The following SESN1 variants were observed in gnomAD, a reference collection of about 807,000 sequenced individuals.
The protein encoded by SESN1 is sestrin-1.
Under a neutral mutation model 59.3 loss-of-function variants are expected in SESN1, and 30 were observed. The observed-to-expected ratio is 0.51, with a 90% confidence interval of 0.38 to 0.69. SESN1 has a LOEUF of 0.69. Ranked by LOEUF, SESN1 falls within the 30% of genes least tolerant of loss-of-function variation. The pLI is 0.00. For missense variants in SESN1, 566 were observed against 673.0 expected (o/e 0.84, Z 1.76); for synonymous variants, 197 against 219.9 (o/e 0.90, Z 0.92).
chr6:109,014,688 G>A (rs561487314), intron 1 of SESN1, among the ~76,000 whole-genome samples: 1 of 152,136 alleles, frequency 6.6e-6, no homozygotes, highest in Admixed American at 6.5e-5. Flanking sequence ...TGGGCTTTGA[G>A]AGCTTCTCTC....
chr6:109,074,451 CTCTCA>C (rs1236745404), intron 1 of SESN1, among the ~76,000 whole-genome samples: 1 of 152,116 alleles, frequency 6.6e-6, no homozygotes, highest in Non-Finnish European at 1.5e-5. Flanking sequence ...CATTGAAAAG[CTCTCA>C]TCTCAACATT....
chr6:109,023,346 G>A (rs1780040080), intron 1 of SESN1, among the ~76,000 whole-genome samples: 1 of 152,118 alleles, frequency 6.6e-6, no homozygotes, highest in Non-Finnish European at 1.5e-5. Context: ...TTCATCTTCT[G>A]AACAAAAGTT....
chr6:109,047,366 G>A, intron 1 of SESN1, among the ~76,000 whole-genome samples: 1 of 137,160 alleles, frequency 7.3e-6, no homozygotes, highest in South Asian at 2.5e-4. Context: ...CCCCTGCCCG[G>A]CCAGCCGCCC....
intron 1 of SESN1, among the ~76,000 whole-genome samples, chr6:109,059,816 T>C (rs1237269979): frequency 2.0e-5 from 3 of 152,248 alleles, no homozygotes; most frequent in Non-Finnish European, 4.4e-5. Context: ...CAATAACATA[T>C]TGTTTTAAAA....
At chr6:109,001,256 CA>C (rs1779614471) in intron 3 of SESN1, 31 bp downstream of exon 3, 1 of 1,590,234 alleles carries the variant, frequency 6.3e-7, no homozygotes, top group Non-Finnish European at 8.6e-7. Context: ...TAAAAATAGG[CA>C]AAAACAATTT....
chr6:109,028,506 T>C (rs1345622348), intron 1 of SESN1, among the ~76,000 whole-genome samples: 1 of 152,190 alleles, frequency 6.6e-6, no homozygotes, highest in Non-Finnish European at 1.5e-5. Context: ...GATGAGTTTC[T>C]ACTATATTAA....
chr6:109,078,772 T>A (rs1328358754), intron 1 of SESN1, among the ~76,000 whole-genome samples: 1 of 152,144 alleles, frequency 6.6e-6, no homozygotes, highest in Non-Finnish European at 1.5e-5. Flanking sequence ...TCTAACCTTA[T>A]CTTTAAAAAG....
chr6:109,073,268 A>G (rs1206535553), intron 1 of SESN1, among the ~76,000 whole-genome samples: 1 of 152,128 alleles, frequency 6.6e-6, no homozygotes, highest in African/African-American at 2.4e-5. Flanking sequence ...ATTTTTATCT[A>G]TTTTTCCCTT....
chr6:109,093,731 A>G, intron 1 of SESN1, 64 bp downstream of exon 1: 2 of 1,496,098 alleles, frequency 1.3e-6, no homozygotes, highest in Non-Finnish European at 1.8e-6. Context: ...ACACAACGTG[A>G]ATAACGGCAA....
intron 1 of SESN1, among the ~76,000 whole-genome samples, chr6:109,008,240 T>C (rs1013449749): frequency 1.3e-5 from 2 of 152,214 alleles, no homozygotes; most frequent in Non-Finnish European, 2.9e-5. Context: ...TATTCAAGCA[T>C]GATGATTGGG....
In SESN1 at chr6:108,992,796, A is replaced by G; in HGVS notation, c.1224T>C (p.Phe408=). ...FSRHGMHVPT[F]RVQDYCWEDH... ...CAAGTTGCAATTTTACCTGGACACG[A>G]AATGTTGGAACATGCATCCCATGTC... Residue 408 remains phenylalanine (F), a synonymous_variant, in exon 7 of 10, where the codon TTT becomes TTC. Coordinates refer to ENST00000436639, the MANE Select transcript of SESN1 (RefSeq NM_014454.3). The G allele has an allele frequency of 1.2e-6, 2 of 1,610,570 alleles. No homozygotes were observed. Among genetic ancestry groups the G allele is most frequent in the African/African-American group, 2.7e-5 (2 of 74,970 alleles).
chr6:109,000,656 C>G lies in SESN1; in HGVS notation c.564G>C (p.Gln188His), dbSNP rs1047353354. 1.3e-6 allele frequency: 2 copies of G among 1,597,002 alleles called. No individual in the cohort carries two copies. Among genetic ancestry groups the G allele is most frequent in the African/African-American group, 2.7e-5 (2 of 74,424 alleles). ...YIGIMAAARH[Q>H]CSYLVNLHVN... ...CATGCAGGTTCACTAAGTAGGAGCA[C>G]TGATGTCTTGCCGCAGCCTTAAAAC... The change falls in exon 4 of 10, where the codon CAG (glutamine) becomes CAC (histidine). Residue 188 changes from glutamine (Q) to histidine (H), a missense_variant. By Grantham distance (24) the Gln-to-His change is conservative. Coordinates refer to ENST00000436639, the MANE Select transcript of SESN1 (RefSeq NM_014454.3).
intron 5 of SESN1, 32 bp downstream of exon 5, chr6:108,998,481 T>G (rs1191672527): frequency 6.2e-7 from 1 of 1,611,130 alleles, no homozygotes; most frequent in South Asian, 1.1e-5. Context: ...TGTGATTAGT[T>G]TTATGACAAT....
At chr6:109,080,755 C>A (rs964549910) in intron 1 of SESN1, among the ~76,000 whole-genome samples, 1 of 152,086 alleles carries the variant, frequency 6.6e-6, no homozygotes, top group Non-Finnish European at 1.5e-5. Context: ...GGTTTTAAAC[C>A]TGACTCCTCC....
At chr6:109,012,294 G>A (rs1217384489) in intron 1 of SESN1, among the ~76,000 whole-genome samples, 1 of 151,332 alleles carries the variant, frequency 6.6e-6, no homozygotes, top group African/African-American at 2.4e-5. Flanking sequence ...CCAGGCTGGA[G>A]TGCAGTGGTA....
chr6:109,046,496 G>A (rs9717572), intron 1 of SESN1, among the ~76,000 whole-genome samples: 5 of 148,002 alleles, frequency 3.4e-5, no homozygotes, highest in South Asian at 2.2e-4. Context: ...GCCTCTGCCC[G>A]GCCGCCACCC....
At chr6:109,040,197 C>T (rs1780315997) in intron 1 of SESN1, among the ~76,000 whole-genome samples, 1 of 152,186 alleles carries the variant, frequency 6.6e-6, no homozygotes, top group Non-Finnish European at 1.5e-5. Context: ...ACCCCCACCA[C>T]AACCCCCAAC....
chr6:109,079,206 AAG>A (rs1781079911), intron 1 of SESN1, among the ~76,000 whole-genome samples: 1 of 151,654 alleles, frequency 6.6e-6, no homozygotes, highest in African/African-American at 2.4e-5. Context: ...AAAAAAAAAA[AAG>A]AAACAAAAGG....
chr6:109,088,331 A>T (rs371842846), intron 1 of SESN1: 1 of 152,044 alleles, frequency 6.6e-6, no homozygotes, highest in African/African-American at 2.4e-5. Flanking sequence ...CAACCTCCAG[A>T]CTTATTATGT....
Sources: allele counts gnomAD v4.1 joint callset (sites outside exome capture counted in the v4.1 genomes callset), GRCh38; gene constraint gnomAD v4.1.1; transcripts MANE v1.5; gene names NCBI Gene and HGNC (gene_info 2026-07-23, HGNC 2026-07-21).